The following SYN3 variants were observed in gnomAD, a reference collection of about 807,000 sequenced individuals.
SYN3 encodes synapsin III.
In SYN3, 35 loss-of-function variants were observed where a neutral mutation model predicts 65.8. The ratio of observed to expected loss-of-function variants is 0.53; its 90% CI spans 0.41 to 0.70. The LOEUF (loss-of-function observed/expected upper bound fraction) is 0.70, where lower values mean the gene tolerates loss of function less well. SYN3 is among the 30% of genes least tolerant of loss of function. The pLI, the probability that SYN3 is intolerant of heterozygous loss-of-function variation, is 0.00. For missense variants in SYN3, 680 were observed against 749.0 expected, an observed-to-expected ratio of 0.91 and a Z score of 1.08; for synonymous variants, 270 against 292.9, an observed-to-expected ratio of 0.92 and a Z score of 0.80.
intron 6 of SYN3, among the ~76,000 whole-genome samples, chr22:32,632,949 C>T (rs918999730): frequency 6.6e-6 from 1 of 152,230 alleles, no homozygotes; most frequent in Admixed American, 6.5e-5. Context: ...TTGGCCAGCA[C>T]TTGAGAATTT....
rs555395844 is a variant in SYN3 at position 32,826,681 on chromosome 22, CTTAG to C, written c.711+38230_711+38233del. 5.9e-5 allele frequency among the ~76,000 whole-genome samples: 9 copies of C among 152,308 alleles called. No homozygotes were observed. The South Asian group carries it at 8.3e-4, about 14-fold the overall frequency. On this transcript the variant is annotated intron_variant, in intron 6 of 13. Coordinates refer to ENST00000358763, the MANE Select transcript of SYN3 (RefSeq NM_003490.4). ...TTCTCTTCTCTGAACTTCCTGGCATCTTAGTTAGCCTATTTGAGCTGGAATAAAA... is the reference window on the plus strand; with the variant it reads ...TTCTCTTCTCTGAACTTCCTGGCATCTTAGCCTATTTGAGCTGGAATAAAA...
intron 4 of SYN3, among the ~76,000 whole-genome samples, chr22:32,926,779 C>T (rs1346013009): frequency 6.6e-6 from 1 of 152,188 alleles, no homozygotes; most frequent in African/African-American, 2.4e-5. Context: ...ACTGGTGACA[C>T]AAATATTTAA....
intron 6 of SYN3, among the ~76,000 whole-genome samples, chr22:32,663,686 T>C (rs1294444615): frequency 6.6e-6 from 1 of 152,200 alleles, no homozygotes; most frequent in South Asian, 2.1e-4. Context: ...GTAGGAACTA[T>C]GAAATATGAA....
At chr22:32,740,116 A>G (rs1361969463) in intron 6 of SYN3, among the ~76,000 whole-genome samples, 1 of 152,258 alleles carries the variant, frequency 6.6e-6, no homozygotes, top group Non-Finnish European at 1.5e-5. Flanking sequence ...AGGGGACCTG[A>G]GAACTGTCTT....
At chr22:32,658,278 G>C (rs2060169734) in intron 6 of SYN3, among the ~76,000 whole-genome samples, 2 of 152,224 alleles carry the variant, frequency 1.3e-5, no homozygotes, top group African/African-American at 2.4e-5. Flanking sequence ...GGAGATCCCT[G>C]GGTAGGCTGT....
At position 32,851,853 on chromosome 22, in the gene SYN3, G is replaced by A. The variant is rs1417959997; in HGVS notation, c.711+13062C>T. Among the ~76,000 whole-genome samples, 8 of 152,062 alleles carry A rather than the reference G, an allele frequency of 5.3e-5. No individual in the cohort carries two copies. The South Asian group carries it at 1.7e-3, about 32-fold the overall frequency. On this transcript the variant is annotated intron_variant, in intron 6 of 13. Transcript: ENST00000358763. ...GAACTGGTCAGTGCCCTTCTATCCA[G>A]AGACACCACTGGAATCTGCTTGTCT...
At chr22:32,610,361 ATGTT>A (rs893415299) in intron 6 of SYN3, among the ~76,000 whole-genome samples, 1 of 151,924 alleles carries the variant, frequency 6.6e-6, no homozygotes, top group Non-Finnish European at 1.5e-5. Flanking sequence ...AACACTACCT[ATGTT>A]TAGAACGTTT....
chr22:32,821,611 A>C (rs1051078073), intron 6 of SYN3, among the ~76,000 whole-genome samples: 6 of 152,228 alleles, frequency 3.9e-5, no homozygotes, highest in Non-Finnish European at 8.8e-5. Flanking sequence ...GCTGAGGGGC[A>C]AGGCAAATCG....
chr22:32,660,594 G>A (rs2060203950), intron 6 of SYN3, among the ~76,000 whole-genome samples: 1 of 152,216 alleles, frequency 6.6e-6, no homozygotes, highest in South Asian at 2.1e-4. Flanking sequence ...TCGGGCAAAG[G>A]AAAATGGCGC....
intron 7 of SYN3, among the ~76,000 whole-genome samples, chr22:32,575,872 C>T (rs2058843348): frequency 1.3e-5 from 2 of 151,262 alleles, no homozygotes; most frequent in South Asian, 2.1e-4. Flanking sequence ...TTCCTCAAGA[C>T]AAAAAACAAA....
At chr22:32,532,836 C>T (rs2058099913) in intron 10 of SYN3, among the ~76,000 whole-genome samples, 1 of 152,058 alleles carries the variant, frequency 6.6e-6, no homozygotes, top group Admixed American at 6.5e-5. Flanking sequence ...CGTGTCCTGG[C>T]CTTGTGTCAG....
chr22:32,698,127 T>G (rs1198821937), intron 6 of SYN3, among the ~76,000 whole-genome samples: 2 of 152,322 alleles, frequency 1.3e-5, no homozygotes, highest in East Asian at 3.9e-4. Context: ...GGTTAAACAC[T>G]ATTATTGTGG....
intron 11 of SYN3, 37 bp downstream of exon 11, chr22:32,528,837 A>G: frequency 1.2e-6 from 2 of 1,612,328 alleles, no homozygotes; most frequent in Non-Finnish European, 8.5e-7. Context: ...GGCATTTCTC[A>G]TGGCTATAAA....
chr22:32,635,629 C>T (rs892815155), intron 6 of SYN3, among the ~76,000 whole-genome samples: 8 of 152,268 alleles, frequency 5.3e-5, no homozygotes, highest in African/African-American at 1.9e-4. Flanking sequence ...TGGCATCTGG[C>T]TTAGTACTCG....
At chr22:33,040,144 T>TA (rs981157813) in intron 1 of SYN3, among the ~76,000 whole-genome samples, 10 of 113,546 alleles carry the variant, frequency 8.8e-5, no homozygotes, top group Non-Finnish European at 4.6e-5. Context: ...TTTGTATTTT[T>TA]AATATATATT....
In SYN3 at chr22:32,713,600, G is replaced by T. The variant is rs1601962900; in HGVS notation, c.712-116864C>A. Among the ~76,000 whole-genome samples, 3 of 152,300 alleles carry T rather than the reference G, an allele frequency of 2.0e-5. No homozygotes were observed. The South Asian group carries it at 6.2e-4, about 32-fold the overall frequency. ...AATCCCAGCACTTTGGGAGGCCGAG[G>T]CGGGCGGATCACAAGGTCAGGAGAT... is the stretch of plus-strand genomic sequence containing the variant. On this transcript the variant is annotated intron_variant, in intron 6 of 13. Transcript: ENST00000358763.
intron 6 of SYN3, among the ~76,000 whole-genome samples, chr22:32,705,684 T>C (rs2060871542): frequency 6.6e-6 from 1 of 152,264 alleles, no homozygotes. Context: ...TTCCAATCCA[T>C]GAGCATGGAA....
At chr22:33,042,087 T>C (rs2145938017) in intron 1 of SYN3, among the ~76,000 whole-genome samples, 1 of 152,318 alleles carries the variant, frequency 6.6e-6, no homozygotes, top group East Asian at 1.9e-4. Flanking sequence ...ATGGGGTTAA[T>C]GCATTTACAA....
At chr22:32,569,976 A>AT (rs2058736960) in intron 7 of SYN3, among the ~76,000 whole-genome samples, 1 of 151,902 alleles carries the variant, frequency 6.6e-6, no homozygotes, top group Non-Finnish European at 1.5e-5. Flanking sequence ...TATTGTCCTC[A>AT]TTTTTCTGGC....
Sources: gnomAD v4.1 joint callset for allele counts (sites outside exome capture counted in the v4.1 genomes callset) on GRCh38, gnomAD v4.1.1 for gene constraint, MANE v1.5 for transcripts, NCBI Gene and HGNC (gene_info 2026-07-23, HGNC 2026-07-21) for gene names.